Variants in RAB7A observed in about 807,000 individuals in gnomAD.
The protein encoded by RAB7A is RAB7A, member RAS oncogene family, also known as ras-related protein Rab-7a.
In RAB7A, 2 loss-of-function variants were observed where a neutral mutation model predicts 24.5. The observed-to-expected ratio is 0.08, with a 90% CI of 0.03 to 0.26. The LOEUF is 0.26. Among genes scored for constraint, RAB7A ranks in the 10% least tolerant of loss-of-function variants. The pLI, the probability that RAB7A is intolerant of heterozygous loss-of-function variation, is 1.00. For missense variants in RAB7A, 118 were observed against 255.7 expected (o/e 0.46, Z 3.67); for synonymous variants, 100 against 95.9 (o/e 1.04, Z -0.25).
At chr3:128,798,277 C>T (rs566537669) in intron 3 of RAB7A, 4 of 501,388 alleles carry the variant, frequency 8.0e-6, no homozygotes, top group Middle Eastern at 9.4e-4. Flanking sequence ...ATACGACTTG[C>T]TAAGACACAC....
intron 1 of RAB7A, among the ~76,000 whole-genome samples, chr3:128,737,518 A>G (rs1022177607): frequency 1.3e-5 from 2 of 149,842 alleles, no homozygotes; most frequent in Non-Finnish European, 3.0e-5. Context: ...CTAATTTTTT[A>G]TATTTTTGAT....
chr3:128,810,872 T>C (rs1317950266), intron 5 of RAB7A, among the ~76,000 whole-genome samples: 1 of 151,934 alleles, frequency 6.6e-6, no homozygotes, highest in Non-Finnish European at 1.5e-5. Context: ...TGGCCAACAT[T>C]GTGAAACCCC....
At chr3:128,743,085 C>T (rs894528474) in intron 1 of RAB7A, among the ~76,000 whole-genome samples, 2 of 152,222 alleles carry the variant, frequency 1.3e-5, no homozygotes, top group Admixed American at 6.5e-5. Context: ...GCAGCTGAGG[C>T]CTGGTGAGAA....
chr3:128,753,747 C>T (rs2070707452), intron 1 of RAB7A, among the ~76,000 whole-genome samples: 1 of 152,120 alleles, frequency 6.6e-6, no homozygotes, highest in African/African-American at 2.4e-5. Flanking sequence ...AGTCATTAAT[C>T]CTATCCATAA....
At chr3:128,786,431 A>G (rs1281701888) in intron 1 of RAB7A, among the ~76,000 whole-genome samples, 1 of 152,170 alleles carries the variant, frequency 6.6e-6, no homozygotes. Flanking sequence ...CTTTATGAGC[A>G]AATATTGCTT....
At chr3:128,774,178 T>C (rs1329242353) in intron 1 of RAB7A, among the ~76,000 whole-genome samples, 4 of 142,710 alleles carry the variant, frequency 2.8e-5, no homozygotes, top group African/African-American at 1.1e-4. Flanking sequence ...CTAATATATG[T>C]ATTAACTAAA....
At chr3:128,755,835 G>A (rs929565483) in intron 1 of RAB7A, among the ~76,000 whole-genome samples, 47 of 152,058 alleles carry the variant, frequency 3.1e-4, no homozygotes, top group Non-Finnish European at 3.2e-4. Context: ...AGTTACATAT[G>A]TATACATGTG....
intron 1 of RAB7A, among the ~76,000 whole-genome samples, chr3:128,770,159 CA>C (rs947155301): frequency 1.8e-4 from 28 of 152,050 alleles, no homozygotes. Context: ...CCTGCCACCA[CA>C]CCCAGCTAAT....
chr3:128,807,009 T>A (rs1409324974), intron 4 of RAB7A, among the ~76,000 whole-genome samples: 1 of 152,240 alleles, frequency 6.6e-6, no homozygotes, highest in Non-Finnish European at 1.5e-5. Context: ...CATAGACTCT[T>A]TGATTAATTA....
chr3:128,774,636 C>T (rs958920251), intron 1 of RAB7A, among the ~76,000 whole-genome samples: 5 of 152,152 alleles, frequency 3.3e-5, no homozygotes, highest in African/African-American at 4.8e-5. Context: ...TGCAGTGGCA[C>T]GGTCTTGGCT....
chr3:128,781,744 C>T (rs996763477), intron 1 of RAB7A, among the ~76,000 whole-genome samples: 3 of 149,952 alleles, frequency 2.0e-5, no homozygotes, highest in African/African-American at 4.9e-5. Context: ...TGGCCGGGCA[C>T]GGTGGCTTAC....
intron 1 of RAB7A, among the ~76,000 whole-genome samples, chr3:128,770,064 G>A (rs915695929): frequency 6.6e-6 from 1 of 150,408 alleles, no homozygotes; most frequent in Non-Finnish European, 1.5e-5. Flanking sequence ...GTGCAGTGGC[G>A]CGATCTCGGC....
chr3:128,756,627 T>C (rs143491291), intron 1 of RAB7A, among the ~76,000 whole-genome samples: 142 of 152,228 alleles, frequency 9.3e-4, no homozygotes, highest in African/African-American at 3.4e-3. Flanking sequence ...ATCTCAATGA[T>C]GGTTTTGCAG....
chr3:128,780,284 C>T (rs1933190377), intron 1 of RAB7A, among the ~76,000 whole-genome samples: 1 of 152,084 alleles, frequency 6.6e-6, no homozygotes, highest in Non-Finnish European at 1.5e-5. Context: ...GGAAAGGGGC[C>T]AAAGTACAGT....
At chr3:128,804,881 A>G (rs1412948711) in intron 3 of RAB7A, among the ~76,000 whole-genome samples, 2 of 152,194 alleles carry the variant, frequency 1.3e-5, no homozygotes, top group Non-Finnish European at 2.9e-5. Context: ...ATGGTTCACT[A>G]AATCTGTTGG....
chr3:128,743,743 A>C (rs1322070981), intron 1 of RAB7A, among the ~76,000 whole-genome samples: 1 of 151,634 alleles, frequency 6.6e-6, no homozygotes, highest in Non-Finnish European at 1.5e-5. Flanking sequence ...GCTTGAGCCT[A>C]TACGTTCAAT....
At chr3:128,767,594 T>C (rs2070844286) in intron 1 of RAB7A, among the ~76,000 whole-genome samples, 1 of 152,114 alleles carries the variant, frequency 6.6e-6, no homozygotes, top group African/African-American at 2.4e-5. Flanking sequence ...TAAAGGGACA[T>C]AGGAAGTGGT....
intron 3 of RAB7A, chr3:128,799,069 G>A (rs1277083341): frequency 1.9e-5 from 3 of 158,276 alleles, no homozygotes; most frequent in Non-Finnish European, 2.8e-5. Flanking sequence ...TCCCAGCTCT[G>A]TGATGACCAG....
At position 128,755,233 on chromosome 3, in the gene RAB7A, A is replaced by G. The variant is rs181874730; in HGVS notation, c.-9+28874A>G. On this transcript the variant is annotated intron_variant, in intron 1 of 5. Transcript: ENST00000265062. The stretch of plus-strand genomic sequence containing the variant: ...CTGGAGACTTTATGTAAATTAAGTA[A>G]CACCCTCTTCAAGAACCAGTGGTCA... 4.6e-5 allele frequency among the ~76,000 whole-genome samples: 7 copies of G among 152,330 alleles called. No homozygotes were observed. The East Asian group carries it at 1.2e-3, about 25-fold the overall frequency.
Sources: gnomAD v4.1 joint callset for allele counts (sites outside exome capture counted in the v4.1 genomes callset) on GRCh38, gnomAD v4.1.1 for gene constraint, MANE v1.5 for transcripts, NCBI Gene and HGNC (gene_info 2026-07-23, HGNC 2026-07-21) for gene names.